FADS1: variants seen among roughly 807,000 people sequenced by gnomAD.
FADS1 encodes the protein fatty acid desaturase 1, also known as acyl-CoA (8-3)-desaturase.
FADS1 carries 17 observed loss-of-function variants against 61.6 expected under a neutral mutation model. The ratio of observed to expected loss-of-function variants is 0.28; its 90% CI spans 0.19 to 0.41. The LOEUF (loss-of-function observed/expected upper bound fraction) is 0.41. Ranked by LOEUF, FADS1 falls within the 10% of genes least tolerant of loss-of-function variation. FADS1 has a pLI of 1.00. For synonymous variants in FADS1, 238 were observed against 258.7 expected, an observed-to-expected ratio of 0.92 and a Z score of 0.77; for missense variants, 387 against 650.9, an observed-to-expected ratio of 0.59 and a Z score of 4.41.
At chr11:61,811,384 C>A (rs188665050) in intron 3 of FADS1, among the ~76,000 whole-genome samples, 20 of 152,078 alleles carry the variant, frequency 1.3e-4, no homozygotes, top group Non-Finnish European at 2.6e-4. Context: ...ATCACTGCAA[C>A]CTCCGCCTCC....
Position 61,802,611 on chromosome 11 carries a change from G to C in FADS1, c.1455-149C>G. The C allele has an allele frequency of 2.3e-5, 28 of 1,213,700 alleles. 1 individual carries two copies. The South Asian group carries it at 3.8e-4, about 16-fold the overall frequency. The allele number at this position is 1,213,700 out of a possible 1,614,324, so 75.2% of individuals were successfully genotyped here. A position where few individuals can be genotyped will look rare whatever the true frequency, so the allele number is the denominator to read the frequency against. On this transcript the variant is annotated intron_variant, in intron 11 of 11. Coordinates refer to ENST00000350997, the MANE Select transcript of FADS1 (RefSeq NM_013402.7). This position sits in a 1 kb window ranked among gnomAD's most constrained non-coding sequence, Gnocchi z 4.2. Reference sequence around the variant, plus strand: ...AGCTAGCTTGGGCCATGGTACTGAGGGGAACCCCAATGAGGGCAAAGGCCT... The same window carrying C: ...AGCTAGCTTGGGCCATGGTACTGAGCGGAACCCCAATGAGGGCAAAGGCCT...
intron 1 of FADS1, 135 bp from the exon 2 acceptor site, chr11:61,813,488 T>A: frequency 1.6e-6 from 1 of 637,508 alleles, no homozygotes; most frequent in East Asian, 2.6e-5. Flanking sequence ...CCAGATGGAC[T>A]TCCTGGGTCG....
At position 61,816,686 on chromosome 11, in the gene FADS1, C is replaced by T. The variant is rs1190755227; in HGVS notation, c.244G>A (p.Val82Met). Reference sequence around the variant, plus strand: ...TCCTCGCACCCTGAGCGCTGGGCCACCTCGTCCCAGGTGAAGTAGCGCGGG... The same window carrying T: ...TCCTCGCACCCTGAGCGCTGGGCCATCTCGTCCCAGGTGAAGTAGCGCGGG... ...PTPRYFTWDE[V>M]AQRSGCEERW... The change falls in exon 1 of 12, where the codon GTG becomes ATG. Residue 82 changes from valine (V) to methionine (M), a missense_variant. Physicochemically the swap from Val to Met is conservative, Grantham distance 21 (BLOSUM62 1). Transcript: ENST00000350997. This position sits in a 1 kb window ranked among gnomAD's most constrained non-coding sequence, Gnocchi z 7.0. 3.1e-6 allele frequency: 5 copies of T among 1,587,322 alleles called. No homozygotes were observed. The highest frequency in any genetic ancestry group is 4.3e-6 in the Non-Finnish European group (5 of 1,167,558).
chr11:61,804,564 TTCTATTA>T (rs1448671438), intron 7 of FADS1, 114 bp downstream of exon 7: 1 of 741,176 alleles, frequency 1.3e-6, no homozygotes, highest in Non-Finnish European at 2.3e-6. Flanking sequence ...CTGTGTCTGG[TTCTATTA>T]TTTTGTTCTA....
At chr11:61,808,732 C>T (rs1405741831) in intron 5 of FADS1, among the ~76,000 whole-genome samples, 1 of 152,156 alleles carries the variant, frequency 6.6e-6, no homozygotes, top group Non-Finnish European at 1.5e-5. Context: ...TAATGTTGCT[C>T]GAGATGGGGT....
At chr11:61,813,897 G>A (rs1170614131) in intron 1 of FADS1, among the ~76,000 whole-genome samples, 3 of 151,164 alleles carry the variant, frequency 2.0e-5, no homozygotes, top group Non-Finnish European at 4.4e-5. Flanking sequence ...CCCCGGGGGA[G>A]GGCGGAGCCT....
In FADS1 at chr11:61,816,082, T is replaced by G; in HGVS notation, c.375+473A>C. Reference sequence around the variant, plus strand: ...TCCTTTCCTGCTCCCTCTCCGCTCCTGCTGGCGAGTGGAGACCGGCACCTA... The same window carrying G: ...TCCTTTCCTGCTCCCTCTCCGCTCCGGCTGGCGAGTGGAGACCGGCACCTA... On this transcript the variant is annotated intron_variant, in intron 1 of 11. Coordinates refer to ENST00000350997, the MANE Select transcript of FADS1 (RefSeq NM_013402.7). This position sits in a 1 kb window ranked among gnomAD's most constrained non-coding sequence, Gnocchi z 7.0. 1.6e-6 allele frequency: 1 copy of G among 607,586 alleles called. No homozygotes were observed. Among genetic ancestry groups the G allele is most frequent in the Non-Finnish European group, 2.9e-6 (1 of 346,140 alleles). 37.6% of individuals were successfully genotyped at this position (607,586 alleles called of 1,614,324 possible). A position where few individuals can be genotyped will look rare whatever the true frequency, so the allele number is the denominator to read the frequency against.
chr11:61,804,589 C>T, intron 7 of FADS1, 96 bp downstream of exon 7: 10 of 911,824 alleles, frequency 1.1e-5, no homozygotes, highest in Non-Finnish European at 1.6e-5. Flanking sequence ...CTAAATTAGG[C>T]CTAGAGTCAG....
chr11:61,816,734 C>T lies in FADS1; in HGVS notation c.196G>A (p.Glu66Lys), dbSNP rs995457238. ...PAMAPDPVAA[E>K]TAAQGPTPRY... ...GGGGTAGGTCCCTGAGCCGCGGTCT[C>T]GGCGGCCACCGGGTCGGGGGCCATA... is the stretch of plus-strand genomic sequence containing the variant. Residue 66 changes from glutamate to lysine, a missense_variant, in exon 1 of 12, where the codon GAG becomes AAG. Transcript: ENST00000350997. This position sits in a 1 kb window ranked among gnomAD's most constrained non-coding sequence, Gnocchi z 7.0. 2 of 1,555,818 alleles carry T rather than the reference C, an allele frequency of 1.3e-6. No individual in the cohort carries two copies. Among genetic ancestry groups the T allele is most frequent in the East Asian group, 2.4e-5 (1 of 41,670 alleles).
chr11:61,816,457 G>T lies in FADS1; in HGVS notation c.375+98C>A, dbSNP rs761958385. 2 of 1,600,174 alleles carry T rather than the reference G, an allele frequency of 1.2e-6. No individual in the cohort carries two copies. The highest frequency in any genetic ancestry group is 1.7e-6 in the Non-Finnish European group (2 of 1,179,672). Reference sequence around the variant, plus strand: ...ATCAGGCGCCTCCGGGCTTTCCTCCGAATTAGTCGGTGTTTGGCTCGGAGT... The same window carrying T: ...ATCAGGCGCCTCCGGGCTTTCCTCCTAATTAGTCGGTGTTTGGCTCGGAGT... On this transcript the variant is annotated intron_variant, in intron 1 of 11. Transcript: ENST00000350997. This position sits in a 1 kb window ranked among gnomAD's most constrained non-coding sequence, Gnocchi z 7.0.
At chr11:61,813,769 T>A (rs2135940512) in intron 1 of FADS1, among the ~76,000 whole-genome samples, 1 of 151,952 alleles carries the variant, frequency 6.6e-6, no homozygotes, top group East Asian at 1.9e-4. Context: ...ATCGAGACCA[T>A]CCTGGCTAAC....
In FADS1 at chr11:61,816,818, T is replaced by C. The variant is rs1366931525; in HGVS notation, c.112A>G (p.Thr38Ala). Residue 38 changes from threonine (T) to alanine (A), a missense_variant, in exon 1 of 12, where the codon ACC (threonine) becomes GCC (alanine). This residue lies in a region of FADS1 where 130 missense variants were observed against 117.7 expected (regional missense o/e 1.10). Coordinates refer to ENST00000350997, the MANE Select transcript of FADS1 (RefSeq NM_013402.7). The surrounding 1 kb of genome is among the most constrained non-coding windows in gnomAD (Gnocchi z 7.0). ...GGGGCTGTCAGGCGCGTGCTCGGGGTCCGCGGGCTCCAGGAGTGGATTTGC... is the reference window on the plus strand; with the variant it reads ...GGGGCTGTCAGGCGCGTGCTCGGGGCCCGCGGGCTCCAGGAGTGGATTTGC... ...RQQIHSWSPR[T>A]PSTRLTAPAG... 1 of 1,492,902 alleles carries C rather than the reference T, an allele frequency of 6.7e-7. No individual in the cohort carries two copies. Among genetic ancestry groups the C allele is most frequent in the South Asian group, 1.3e-5 (1 of 78,078 alleles). 92.5% of individuals were successfully genotyped at this position (1,492,902 alleles called of 1,614,324 possible).
Position 61,802,970 on chromosome 11 carries a change from C to G in FADS1, c.1329-44G>C. On this transcript the variant is annotated intron_variant, in intron 10 of 11. Coordinates refer to ENST00000350997, the MANE Select transcript of FADS1 (RefSeq NM_013402.7). This position sits in a 1 kb window ranked among gnomAD's most constrained non-coding sequence, Gnocchi z 4.2. ...AGTCAGTGGTTCCTGCTTCTCTGCTCCCACCTGTACCCAACACTTACACCC... is the reference window on the plus strand; with the variant it reads ...AGTCAGTGGTTCCTGCTTCTCTGCTGCCACCTGTACCCAACACTTACACCC... 6.2e-7 allele frequency: 1 copy of G among 1,613,178 alleles called. No individual in the cohort carries two copies. Among genetic ancestry groups the G allele is most frequent in the Non-Finnish European group, 8.5e-7 (1 of 1,179,360 alleles).
chr11:61,810,785 A>G lies in FADS1; in HGVS notation c.881T>C (p.Phe294Ser), dbSNP rs1723829935. 6.2e-7 allele frequency: 1 copy of G among 1,614,086 alleles called. No homozygotes were observed. The highest frequency in any genetic ancestry group is 8.5e-7 in the Non-Finnish European group (1 of 1,180,012). The change falls in exon 5 of 12, where the codon TTC (phenylalanine) becomes TCC (serine). Residue 294 changes from phenylalanine (F) to serine (S), a missense_variant. Around this residue, in one of 2 missense-constraint regions of FADS1, gnomAD observed 257 missense variants for 533.3 expected, o/e 0.48. Transcript: ENST00000350997. ...GAGGATCTTCCCCAAGGCAAAGAAG[A>G]AGGGATGCATGTTGATGTCTGGGTC... The part of the protein sequence containing the change: ...RKDPDINMHP[F>S]FFALGKILSV...
intron 5 of FADS1, 92 bp downstream of exon 5, chr11:61,810,659 C>A: frequency 6.7e-7 from 1 of 1,498,152 alleles, no homozygotes; most frequent in Non-Finnish European, 9.2e-7. Context: ...AGTGTCTTGC[C>A]CACACTGACA....
In FADS1 at chr11:61,816,636, C is replaced by T. The variant is rs754132658; in HGVS notation, c.294G>A (p.Lys98=). The T allele has an allele frequency of 6.2e-7, 1 of 1,604,398 alleles. No individual in the cohort carries two copies. The highest frequency in any genetic ancestry group is 2.3e-5 in the East Asian group (1 of 44,304). The change falls in exon 1 of 12, where the codon AAG becomes AAA. Residue 98 remains lysine (K), a synonymous_variant. Coordinates refer to ENST00000350997, the MANE Select transcript of FADS1 (RefSeq NM_013402.7). This position sits in a 1 kb window ranked among gnomAD's most constrained non-coding sequence, Gnocchi z 7.0. ...GGGTGAACTCGCTGATGTTGTACAC[C>T]TTACGGTCGATCACTAGCCACCGCT... ...CEERWLVIDR[K]VYNISEFTRR... is the part of the protein sequence containing the mutation.
Position 61,802,170 on chromosome 11 carries a change from T to C in FADS1, c.*241A>G. On this transcript the variant is annotated 3_prime_UTR_variant, in exon 12 of 12. Coordinates refer to ENST00000350997, the MANE Select transcript of FADS1 (RefSeq NM_013402.7). This position sits in a 1 kb window ranked among gnomAD's most constrained non-coding sequence, Gnocchi z 4.2. ...CATGTGCCAAACTAGAAAAAGGAAATAATTTACACCCCTGCCCCAACAGCT... is the reference window on the plus strand; with the variant it reads ...CATGTGCCAAACTAGAAAAAGGAAACAATTTACACCCCTGCCCCAACAGCT... 1.9e-6 allele frequency: 1 copy of C among 526,538 alleles called. No individual in the cohort carries two copies. 32.6% of individuals were successfully genotyped at this position (526,538 alleles called of 1,614,324 possible). A position where few individuals can be genotyped will look rare whatever the true frequency, so the allele number is the denominator to read the frequency against.
In FADS1 at chr11:61,802,991, C is replaced by T. The variant is rs762028094; in HGVS notation, c.1328+41G>A. On this transcript the variant is annotated intron_variant, in intron 10 of 11. Coordinates refer to ENST00000350997, the MANE Select transcript of FADS1 (RefSeq NM_013402.7). The surrounding 1 kb of genome is among the most constrained non-coding windows in gnomAD (Gnocchi z 4.2). Reference sequence around the variant, plus strand: ...TGCTCCCACCTGTACCCAACACTTACACCCTCCCCAGGACCCTGCTTCCCC... The same window carrying T: ...TGCTCCCACCTGTACCCAACACTTATACCCTCCCCAGGACCCTGCTTCCCC... The T allele has an allele frequency of 2.5e-6, 4 of 1,613,904 alleles. No individual in the cohort carries two copies. The Admixed American group carries it at 5.0e-5, about 20-fold the overall frequency.
In FADS1 at chr11:61,816,982, G is replaced by A. The variant is rs1020055926; in HGVS notation, c.-53C>T. ...AGATCCCGTCCCCCGGTGGGTCTTGGGCAACTCACAGCTGGGCTGCCAACA... is the reference window on the plus strand; with the variant it reads ...AGATCCCGTCCCCCGGTGGGTCTTGAGCAACTCACAGCTGGGCTGCCAACA... On this transcript the variant is annotated 5_prime_UTR_variant, in exon 1 of 12. Transcript: ENST00000350997. The surrounding 1 kb of genome is among the most constrained non-coding windows in gnomAD (Gnocchi z 7.0). 3 of 1,351,404 alleles carry A rather than the reference G, an allele frequency of 2.2e-6. No homozygotes were observed. The highest frequency in any genetic ancestry group is 1.8e-5 in the South Asian group (1 of 55,060). The allele number at this position is 1,351,404 out of a possible 1,614,324, so 83.7% of individuals were successfully genotyped here.
Sources: allele counts gnomAD v4.1 joint callset (sites outside exome capture counted in the v4.1 genomes callset), GRCh38; gene constraint gnomAD v4.1.1; regional missense constraint gnomAD v4.1.1; non-coding constraint Gnocchi (gnomAD v3.1); transcripts MANE v1.5; gene names NCBI Gene and HGNC (gene_info 2026-07-23, HGNC 2026-07-21).